MYO10: variants seen among roughly 807,000 people sequenced by gnomAD.
MYO10 encodes the protein unconventional myosin-X.
MYO10 carries 133 observed loss-of-function variants against 257.3 expected under a neutral mutation model. The observed-to-expected ratio is 0.52, with a 90% CI of 0.45 to 0.60. The LOEUF (loss-of-function observed/expected upper bound fraction) is 0.60. Ranked by LOEUF, MYO10 falls within the 20% of genes least tolerant of loss-of-function variation. The probability of loss-of-function intolerance (pLI) is 0.00; values close to 1 mark genes in which losing one functional copy is unlikely to be tolerated. For missense variants in MYO10, 2,399 were observed against 2,635.7 expected (o/e 0.91, Z 1.97); for synonymous variants, 1,104 against 1,028.6 (o/e 1.07, Z -1.40).
Position 16,754,759 on chromosome 5 carries a change from G to C in MYO10, c.1929+69C>G, listed in dbSNP as rs930900837. ...AAAGGACTTTGGAGAAACCAAATCT[G>C]TGAGTAACCACCCCAGGAGGCTGTG... is the stretch of plus-strand genomic sequence containing the variant. On this transcript the variant is annotated intron_variant, in intron 19 of 40. Coordinates refer to ENST00000513610, the MANE Select transcript of MYO10 (RefSeq NM_012334.3). 1.0e-5 allele frequency: 12 copies of C among 1,176,794 alleles called. 1 individual carries two copies. Among genetic ancestry groups the C allele is most frequent in the South Asian group, 1.6e-5 (1 of 60,800 alleles). The allele number at this position is 1,176,794 out of a possible 1,614,324, so 72.9% of individuals were successfully genotyped here. A position where few individuals can be genotyped will look rare whatever the true frequency, so the allele number is the denominator to read the frequency against.
intron 27 of MYO10, among the ~76,000 whole-genome samples, chr5:16,693,125 T>C (rs1737580351): frequency 6.6e-6 from 1 of 152,064 alleles, no homozygotes; most frequent in South Asian, 2.1e-4. Flanking sequence ...AAAATTAGCC[T>C]GGCGTGGTGG....
intron 2 of MYO10, among the ~76,000 whole-genome samples, chr5:16,834,479 C>T (rs540317366): frequency 6.6e-6 from 1 of 152,252 alleles, no homozygotes; most frequent in South Asian, 2.1e-4. Context: ...GGGACCAGGA[C>T]TTGTCTCACA....
Position 16,779,643 on chromosome 5 carries a change from ATTC to A in MYO10, c.829_831del (p.Glu277del). On this transcript the variant is annotated inframe_deletion and splice_region_variant, in exon 9 of 41. Coordinates refer to ENST00000513610, the MANE Select transcript of MYO10 (RefSeq NM_012334.3). ...TAGTTTTCTGGCGTAGATAAATAAA[ATTC>A]TTCTACAGAAAGACAAAAACATGAT... 1 of 1,587,768 alleles carries A rather than the reference ATTC, an allele frequency of 6.3e-7. No individual in the cohort carries two copies.
intron 1 of MYO10, among the ~76,000 whole-genome samples, chr5:16,928,949 GT>G (rs962727329): frequency 1.5e-4 from 21 of 144,706 alleles, no homozygotes; most frequent in Admixed American, 9.0e-4. Flanking sequence ...TTAGTGGCAT[GT>G]TTTTTTTTTG....
At chr5:16,893,877 A>G (rs1745146759) in intron 1 of MYO10, among the ~76,000 whole-genome samples, 1 of 152,126 alleles carries the variant, frequency 6.6e-6, no homozygotes, top group Non-Finnish European at 1.5e-5. Flanking sequence ...CCGAGGACAC[A>G]GCCTCTCCCC....
chr5:16,866,120 T>G (rs1023212737), intron 2 of MYO10, among the ~76,000 whole-genome samples: 8 of 151,960 alleles, frequency 5.3e-5, no homozygotes, highest in Non-Finnish European at 1.0e-4. Context: ...TTCATTTTCC[T>G]TTCAATTCAA....
chr5:16,699,495 T>C lies in MYO10; in HGVS notation c.3511A>G (p.Ser1171Gly). ...ELSYRRDSVY[S>G]CVTLPYFHSF... Reference sequence around the variant, plus strand: ...TGGAAATACGGCAGAGTGACACAGCTGTACACAGAGTCACGCCGGTATGAA... The same window carrying C: ...TGGAAATACGGCAGAGTGACACAGCCGTACACAGAGTCACGCCGGTATGAA... The change falls in exon 26 of 41, where the codon AGC becomes GGC. Residue 1171 changes from serine (S) to glycine (G), a missense_variant. By Grantham distance (56) the Ser-to-Gly change is moderately conservative (BLOSUM62 0). Transcript: ENST00000513610. 1 of 1,613,846 alleles carries C rather than the reference T, an allele frequency of 6.2e-7. No homozygotes were observed.
At chr5:16,688,750 G>GAAA (rs5866201) in intron 28 of MYO10, among the ~76,000 whole-genome samples, 13 of 134,682 alleles carry the variant, frequency 9.7e-5, no homozygotes, top group Middle Eastern at 4.1e-3. Context: ...CAAAAAAAAA[G>GAAA]AAAAAAAAAA....
At chr5:16,778,781 C>T (rs1735752761) in intron 9 of MYO10, among the ~76,000 whole-genome samples, 1 of 150,272 alleles carries the variant, frequency 6.7e-6, no homozygotes, top group African/African-American at 2.4e-5. Context: ...AGCTCCGCCT[C>T]CCGGGTTCAC....
intron 33 of MYO10, among the ~76,000 whole-genome samples, chr5:16,679,715 C>A (rs1032269212): frequency 6.6e-6 from 1 of 151,756 alleles, no homozygotes; most frequent in East Asian, 1.9e-4. Flanking sequence ...AGTAGAGATA[C>A]GGTTTCATCA....
At chr5:16,738,098 G>A in intron 19 of MYO10, 3 of 976,984 alleles carry the variant, frequency 3.1e-6, no homozygotes, top group Non-Finnish European at 3.6e-6. Context: ...CTTAGAGGAG[G>A]GTTTTGAGGT....
intron 5 of MYO10, 63 bp from the exon 6 acceptor site, chr5:16,781,892 A>AC (rs2126669829): frequency 6.4e-7 from 1 of 1,555,156 alleles, no homozygotes; most frequent in African/African-American, 1.4e-5. Context: ...CAGCAATAGC[A>AC]CTTCTCACAA....
chr5:16,891,474 T>A (rs185034234), intron 1 of MYO10, among the ~76,000 whole-genome samples: 3 of 151,078 alleles, frequency 2.0e-5, no homozygotes, highest in African/African-American at 7.3e-5. Context: ...GAGGGGAGAA[T>A]GGAGAGTGGC....
In MYO10 at chr5:16,680,211, T is replaced by C. The variant is rs1324904092; in HGVS notation, c.4385-107A>G. On this transcript the variant is annotated intron_variant, in intron 32 of 40. Transcript: ENST00000513610. ...CAGTCCCTTTAATTATTCAATTCAA[T>C]AGACACTGGCTTAATTCCTACATGT... 13 of 1,329,682 alleles carry C rather than the reference T, an allele frequency of 9.8e-6. No homozygotes were observed. The East Asian group carries it at 2.8e-4, about 28-fold the overall frequency. 82.4% of individuals were successfully genotyped at this position (1,329,682 alleles called of 1,614,324 possible).
intron 1 of MYO10, among the ~76,000 whole-genome samples, chr5:16,901,133 C>T (rs1410777813): frequency 2.0e-5 from 3 of 152,086 alleles, no homozygotes; most frequent in Non-Finnish European, 4.4e-5. Context: ...GTCTCAGCCC[C>T]CCTCTCCCGA....
chr5:16,906,329 A>C (rs1032023180), intron 1 of MYO10, among the ~76,000 whole-genome samples: 3 of 152,178 alleles, frequency 2.0e-5, no homozygotes, highest in Non-Finnish European at 2.9e-5. Context: ...CTCAGCAGCA[A>C]CACCACTGAC....
At chr5:16,749,111 T>G (rs893321062) in intron 19 of MYO10, among the ~76,000 whole-genome samples, 7 of 152,182 alleles carry the variant, frequency 4.6e-5, no homozygotes, top group African/African-American at 1.7e-4. Flanking sequence ...CAAATTTGGC[T>G]GCATGGAAAC....
chr5:16,771,917 C>T (rs1741062411), intron 9 of MYO10, among the ~76,000 whole-genome samples: 1 of 150,110 alleles, frequency 6.7e-6, no homozygotes, highest in Non-Finnish European at 1.5e-5. Context: ...ATTGACCCAA[C>T]TCTGTTACTT....
At chr5:16,920,094 A>G (rs1424238911) in intron 1 of MYO10, among the ~76,000 whole-genome samples, 1 of 151,000 alleles carries the variant, frequency 6.6e-6, no homozygotes, top group Non-Finnish European at 1.5e-5. Flanking sequence ...CTGGCAACAG[A>G]GCGACATTCA....
Sources: gnomAD v4.1 joint callset for allele counts (sites outside exome capture counted in the v4.1 genomes callset) on GRCh38, gnomAD v4.1.1 for gene constraint, MANE v1.5 for transcripts, NCBI Gene and HGNC (gene_info 2026-07-23, HGNC 2026-07-21) for gene names.